TTLL8: variants seen among roughly 807,000 people sequenced by gnomAD.
TTLL8 encodes the protein protein monoglycylase TTLL8.
A neutral mutation model predicts 77.8 loss-of-function variants in TTLL8; 65 were observed. The observed-to-expected ratio is 0.84, with a 90% CI of 0.68 to 1.03. The LOEUF (loss-of-function observed/expected upper bound fraction) is 1.03, where lower values mean the gene tolerates loss of function less well. Among genes scored for constraint, TTLL8 ranks in the 50% least tolerant of loss-of-function variants. The pLI, the probability that TTLL8 is intolerant of heterozygous loss-of-function variation, is 0.00. For missense variants in TTLL8, 910 were observed against 1,004.5 expected, an observed-to-expected ratio of 0.91 and a Z score of 1.27; for synonymous variants, 402 against 422.8, an observed-to-expected ratio of 0.95 and a Z score of 0.60.
At chr22:50,055,604 G>A (rs2061466533), upstream of TTLL8, among the ~76,000 whole-genome samples, 5 of 150,068 alleles carry the variant, frequency 3.3e-5, no homozygotes, top group South Asian at 2.1e-4. Context: ...GTGGTGAGCC[G>A]AGATCGCGCC....
rs374680297 is a variant in TTLL8, at chr22:50,032,131, G to T, written c.1284-22C>A. 34 of 1,337,946 alleles carry T rather than the reference G, an allele frequency of 2.5e-5. No homozygotes were observed. The African/African-American group carries it at 4.9e-4, about 19-fold the overall frequency. 82.9% of individuals were successfully genotyped at this position (1,337,946 alleles called of 1,614,324 possible). On this transcript the variant is annotated intron_variant, in intron 10 of 13. Coordinates refer to ENST00000266182, the Ensembl canonical transcript of TTLL8. ...GGCGCTGCAGGGGGGACGAGGGGCA[G>T]GTGCTCAGCCTCCCTTGGCCCAGGA...
chr22:50,050,354 G>T, intron 1 of TTLL8, 107 bp from the exon 4 acceptor site: 1 of 770,940 alleles, frequency 1.3e-6, no homozygotes, highest in African/African-American at 1.9e-5. Flanking sequence ...AGATTTGGGG[G>T]CACCCATCAC....
chr22:50,050,806 T>TCACGTTTCC (rs1393876513), intron 1 of TTLL8, among the ~76,000 whole-genome samples: 2 of 152,224 alleles, frequency 1.3e-5, no homozygotes, highest in Non-Finnish European at 2.9e-5. Flanking sequence ...CAGCCCCCAG[T>TCACGTTTCC]CACGTTTCCC....
chr22:50,049,411 G>A lies in TTLL8; in HGVS notation c.191-89C>T, dbSNP rs370328306. 1.6e-5 allele frequency: 21 copies of A among 1,315,074 alleles called. 1 individual carries two copies. The African/African-American group carries it at 2.5e-4, about 16-fold the overall frequency. The allele number at this position is 1,315,074 out of a possible 1,614,324, so 81.5% of individuals were successfully genotyped here. On this transcript the variant is annotated intron_variant, in intron 2 of 13. Transcript: ENST00000266182. ...CGTTACCACAACCGCAGGCAGGACA[G>A]CGACTTTACTTCCAGAAACCTGGCT...
Position 50,034,480 on chromosome 22 carries a change from T to C in TTLL8, c.922-18A>G. On this transcript the variant is annotated intron_variant, in intron 8 of 13. Coordinates refer to ENST00000266182, the Ensembl canonical transcript of TTLL8. This position sits in a 1 kb window ranked among gnomAD's most constrained non-coding sequence, Gnocchi z 4.1. ...GCCTGGCACTGCGAAAAGTAATTTC[T>C]TGAATTGGAGATGAAAGCATCGCCA... 7.3e-7 allele frequency: 1 copy of C among 1,364,588 alleles called. No homozygotes were observed. Among genetic ancestry groups the C allele is most frequent in the Non-Finnish European group, 9.8e-7 (1 of 1,021,020 alleles). 84.5% of individuals were successfully genotyped at this position (1,364,588 alleles called of 1,614,324 possible). A position where few individuals can be genotyped will look rare whatever the true frequency, so the allele number is the denominator to read the frequency against.
chr22:50,037,236 G>C (rs984537054), intron 8 of TTLL8, among the ~76,000 whole-genome samples: 2 of 150,334 alleles, frequency 1.3e-5, no homozygotes, highest in Non-Finnish European at 3.0e-5. Flanking sequence ...ACAGAGTCTT[G>C]CTCTGTTGCC....
intron 6 of TTLL8, among the ~76,000 whole-genome samples, chr22:50,045,006 G>A (rs1318665905): frequency 6.6e-6 from 1 of 152,168 alleles, no homozygotes; most frequent in Non-Finnish European, 1.5e-5. Flanking sequence ...GGCAGTGAGT[G>A]TGGGACTCGG....
chr22:50,034,524 A>G lies in TTLL8; in HGVS notation c.922-62T>C. The G allele has an allele frequency of 7.6e-7, 1 of 1,322,484 alleles. No homozygotes were observed. 81.9% of individuals were successfully genotyped at this position (1,322,484 alleles called of 1,614,324 possible). On this transcript the variant is annotated intron_variant, in intron 8 of 13. Transcript: ENST00000266182. The surrounding 1 kb of genome is among the most constrained non-coding windows in gnomAD (Gnocchi z 4.1). Reference sequence around the variant, plus strand: ...ATCGCCACTACAAAGCAAGATCCAGAAAGTGCATGAGACTTGGAGGCCTGG... The same window carrying G: ...ATCGCCACTACAAAGCAAGATCCAGGAAGTGCATGAGACTTGGAGGCCTGG...
chr22:50,048,702 T>C (rs2061427063), intron 3 of TTLL8, among the ~76,000 whole-genome samples: 1 of 152,246 alleles, frequency 6.6e-6, no homozygotes, highest in Admixed American at 6.5e-5. Flanking sequence ...TGTCTTTTCA[T>C]TACTGATTTG....
intron 12 of TTLL8, among the ~76,000 whole-genome samples, chr22:50,026,049 G>A (rs1487891454): frequency 3.9e-5 from 6 of 152,150 alleles, no homozygotes; most frequent in South Asian, 2.1e-4. Flanking sequence ...ACAGACAAAG[G>A]CACATGTCCC....
rs751170538 is a variant in TTLL8, at chr22:50,034,445, A to G, written c.939T>C (p.Asn313=). Residue 313 remains asparagine, a synonymous_variant, in exon 9 of 14, where the codon AAT becomes AAC. Coordinates refer to ENST00000266182, the Ensembl canonical transcript of TTLL8. The surrounding 1 kb of genome is among the most constrained non-coding windows in gnomAD (Gnocchi z 4.1). Reference sequence around the variant, plus strand: ...TCTGAGGGTTCACAGACGTGATTCTATTCAGCAGAGCCTGGCACTGCGAAA... The same window carrying G: ...TCTGAGGGTTCACAGACGTGATTCTGTTCAGCAGAGCCTGGCACTGCGAAA... 7.3e-7 allele frequency: 1 copy of G among 1,367,244 alleles called. No individual in the cohort carries two copies. The highest frequency in any genetic ancestry group is 4.5e-5 in the East Asian group (1 of 22,000). 84.7% of individuals were successfully genotyped at this position (1,367,244 alleles called of 1,614,324 possible).
At chr22:50,045,302 C>T (rs1365763059) in exon 6 of TTLL8, 1 of 1,363,486 alleles carries the variant, frequency 7.3e-7, no homozygotes, top group Admixed American at 1.9e-5. Flanking sequence ...CCTCTGGTCC[C>T]TGGGCTTGCT....
At chr22:50,020,235 T>TACTCCTCCATCTGACATGC (rs2061186458) in intron 12 of TTLL8, among the ~76,000 whole-genome samples, 1 of 146,618 alleles carries the variant, frequency 6.8e-6, no homozygotes, top group Non-Finnish European at 1.5e-5. Flanking sequence ...ATCTGACATG[T>TACTCCTCCATCTGACATGC]ACTCCTCCAT....
rs1418349185 is a variant in TTLL8, at chr22:50,026,134, G to A, written c.2203+4296C>T. ...TACAGTGGAAGCAAGGCAGCTGTCC[G>A]TCAGCAGGGGACCAGGCGGGCTCTG... is the stretch of plus-strand genomic sequence containing the variant. On this transcript the variant is annotated intron_variant, in intron 12 of 13. Transcript: ENST00000266182. Among the ~76,000 whole-genome samples the A allele has an allele frequency of 3.9e-5, 6 of 152,316 alleles. No homozygotes were observed. The East Asian group carries it at 7.7e-4, about 20-fold the overall frequency.
chr22:50,056,886 T>A, upstream of TTLL8: 1 of 1,289,672 alleles, frequency 7.8e-7, no homozygotes, highest in Non-Finnish European at 1.0e-6. This position sits in a 1 kb window ranked among gnomAD's most constrained non-coding sequence, Gnocchi z 4.1. Flanking sequence ...TTCTCTCCCG[T>A]CTCCATCTGA....
chr22:50,031,671 G>T lies in TTLL8; in HGVS notation c.1707+15C>A, dbSNP rs765819253. On this transcript the variant is annotated intron_variant, in intron 11 of 13. Transcript: ENST00000266182. Reference sequence around the variant, plus strand: ...CGGGCGGCCACCAAAGTCCCCAGGGGCGGGCGTGGCTCACCTGCCTCCACA... The same window carrying T: ...CGGGCGGCCACCAAAGTCCCCAGGGTCGGGCGTGGCTCACCTGCCTCCACA... 1.6e-6 allele frequency: 2 copies of T among 1,263,724 alleles called. No individual in the cohort carries two copies. Among genetic ancestry groups the T allele is most frequent in the Non-Finnish European group, 2.1e-6 (2 of 968,374 alleles). The allele number at this position is 1,263,724 out of a possible 1,614,324, so 78.3% of individuals were successfully genotyped here.
chr22:50,046,595 G>A (rs944391193), intron 4 of TTLL8, among the ~76,000 whole-genome samples: 11 of 152,324 alleles, frequency 7.2e-5, no homozygotes, highest in South Asian at 4.1e-4. Flanking sequence ...TATTAGGTGC[G>A]GAAGGGAACC....
rs766580748 is a variant in TTLL8 at position 50,045,241 on chromosome 22, C to G, written c.643+14G>C. 1 of 1,349,936 alleles carries G rather than the reference C, an allele frequency of 7.4e-7. No homozygotes were observed. Among genetic ancestry groups the G allele is most frequent in the African/African-American group, 1.5e-5 (1 of 67,752 alleles). The allele number at this position is 1,349,936 out of a possible 1,614,324, so 83.6% of individuals were successfully genotyped here. A position where few individuals can be genotyped will look rare whatever the true frequency, so the allele number is the denominator to read the frequency against. ...TCTGGTGGCCTGGCACTGCCCTGCC[C>G]CGGCCCAGCGCACCTTGCCTGCTGC... On this transcript the variant is annotated intron_variant, in intron 6 of 13. Coordinates refer to ENST00000266182, the Ensembl canonical transcript of TTLL8.
In TTLL8 at chr22:50,027,853, C is replaced by T. The variant is rs528982671; in HGVS notation, c.2203+2577G>A. 1.3e-4 allele frequency: 123 copies of T among 970,122 alleles called. 1 individual carries two copies. The African/African-American group carries it at 1.8e-3, about 14-fold the overall frequency. 60.1% of individuals were successfully genotyped at this position (970,122 alleles called of 1,614,324 possible). ...GTCTGGAAGCAAGCCCAGCTCCTCC[C>T]GGCCGTGCCCTCGAGGGCCTGACCG... On this transcript the variant is annotated intron_variant, in intron 12 of 13. Coordinates refer to ENST00000266182, the Ensembl canonical transcript of TTLL8.
Sources: allele counts gnomAD v4.1 joint callset (sites outside exome capture counted in the v4.1 genomes callset), GRCh38; gene constraint gnomAD v4.1.1; non-coding constraint Gnocchi (gnomAD v3.1); transcripts MANE v1.5; gene names NCBI Gene and HGNC (gene_info 2026-07-23, HGNC 2026-07-21).